The following ATP8A2 variants were observed in gnomAD, a reference collection of about 807,000 sequenced individuals.
The protein encoded by ATP8A2 is phospholipid-transporting ATPase IB.
A neutral mutation model predicts 165.6 loss-of-function variants in ATP8A2; 100 were observed. The observed-to-expected ratio is 0.60, with a 90% CI of 0.51 to 0.71. The LOEUF (loss-of-function observed/expected upper bound fraction) is 0.71. Ranked by LOEUF, ATP8A2 falls within the 30% of genes least tolerant of loss-of-function variation. The pLI, the probability that ATP8A2 is intolerant of heterozygous loss-of-function variation, is 0.00. For synonymous variants in ATP8A2, 543 were observed against 548.8 expected, an observed-to-expected ratio of 0.99 and a Z score of 0.15; for missense variants, 1,227 against 1,479.5, an observed-to-expected ratio of 0.83 and a Z score of 2.80.
chr13:25,890,804 T>C (rs776199674), intron 33 of ATP8A2, among the ~76,000 whole-genome samples: 23 of 152,248 alleles, frequency 1.5e-4, no homozygotes, highest in Admixed American at 3.3e-4. Context: ...AAAACAAAGC[T>C]GTGTTTAAGT....
chr13:25,506,758 A>G (rs1047254985), intron 2 of ATP8A2, among the ~76,000 whole-genome samples: 11 of 152,010 alleles, frequency 7.2e-5, no homozygotes, highest in African/African-American at 2.4e-4. Context: ...CCTGGCCTGA[A>G]GGTTATTTTA....
intron 30 of ATP8A2, among the ~76,000 whole-genome samples, chr13:25,853,396 A>ATATATATATATATATATATATATAT (rs59573616): frequency 2.0e-4 from 22 of 107,828 alleles, no homozygotes; most frequent in African/African-American, 5.9e-4. Flanking sequence ...ATCTAAAAAA[A>ATATATATATATATATATATATATAT]ATATATATAT....
At chr13:25,679,095 G>A (rs2042431236) in intron 24 of ATP8A2, among the ~76,000 whole-genome samples, 1 of 152,144 alleles carries the variant, frequency 6.6e-6, no homozygotes, top group South Asian at 2.1e-4. Flanking sequence ...GGTAAGCAAT[G>A]GGAGGAAGGC....
At chr13:25,967,863 G>A (rs770006714) in intron 34 of ATP8A2, among the ~76,000 whole-genome samples, 91 of 152,142 alleles carry the variant, frequency 6.0e-4, no homozygotes, top group Non-Finnish European at 2.1e-4. Context: ...CTCAGTAAAA[G>A]GGTAGAGGGA....
intron 24 of ATP8A2, among the ~76,000 whole-genome samples, chr13:25,617,994 A>C (rs1209815006): frequency 1.3e-5 from 2 of 152,164 alleles, no homozygotes; most frequent in Non-Finnish European, 2.9e-5. Flanking sequence ...CCGTAGTGTA[A>C]AATTGTATTT....
chr13:25,591,138 T>A (rs1412872243), intron 24 of ATP8A2: 1 of 382,358 alleles, frequency 2.6e-6, no homozygotes, highest in Admixed American at 2.9e-5. Flanking sequence ...ATACTATGTG[T>A]GTGTGTGTGT....
chr13:25,481,206 A>T (rs1034386886), intron 2 of ATP8A2, among the ~76,000 whole-genome samples: 6 of 121,686 alleles, frequency 4.9e-5, no homozygotes, highest in Middle Eastern at 3.8e-3. Context: ...GGAGAGGAAC[A>T]GGGACAGGGA....
intron 24 of ATP8A2, among the ~76,000 whole-genome samples, chr13:25,627,615 A>G (rs1016248728): frequency 6.6e-6 from 1 of 152,188 alleles, no homozygotes; most frequent in Non-Finnish European, 1.5e-5. Context: ...TATCAGTAAC[A>G]TAATTGGCTG....
chr13:25,998,542 G>A (rs569639878), intron 35 of ATP8A2, among the ~76,000 whole-genome samples: 2 of 152,292 alleles, frequency 1.3e-5, no homozygotes, highest in Admixed American at 1.3e-4. Context: ...GGAGAGAAAA[G>A]GCATTTGCTA....
In ATP8A2 at chr13:25,974,104, G is replaced by A. The variant is rs189325333; in HGVS notation, c.3377+5425G>A. ...AAGCAGAGAAGCGAGTGCAGACGGC[G>A]GAGACAGATGACCTGAGCTGGGCTC... On this transcript the variant is annotated intron_variant, in intron 35 of 36. Transcript: ENST00000381655. 2.0e-3 allele frequency among the ~76,000 whole-genome samples: 302 copies of A among 152,290 alleles called. 3 individuals are homozygous for A. The highest frequency in any genetic ancestry group is 6.9e-3 in the African/African-American group (286 of 41,562).
At chr13:25,379,743 A>T (rs1593228779) in intron 1 of ATP8A2, among the ~76,000 whole-genome samples, 2 of 152,246 alleles carry the variant, frequency 1.3e-5, no homozygotes, top group South Asian at 4.2e-4. Context: ...AGCGTGTAAG[A>T]TAGTGTGCCG....
intron 33 of ATP8A2, among the ~76,000 whole-genome samples, chr13:25,902,424 A>G (rs1045741734): frequency 6.6e-6 from 1 of 152,178 alleles, no homozygotes; most frequent in Non-Finnish European, 1.5e-5. Context: ...TCTAGCTTCT[A>G]TCCATAGGAA....
intron 13 of ATP8A2, among the ~76,000 whole-genome samples, chr13:25,556,131 G>A (rs779165195): frequency 3.9e-5 from 6 of 152,210 alleles, no homozygotes; most frequent in Admixed American, 2.0e-4. Context: ...TATATACCCA[G>A]TAATGGGATT....
At chr13:25,583,279 A>G (rs933178057) in intron 23 of ATP8A2, among the ~76,000 whole-genome samples, 1 of 152,126 alleles carries the variant, frequency 6.6e-6, no homozygotes, top group Non-Finnish European at 1.5e-5. Flanking sequence ...CCTGCTATGG[A>G]TCTGTGGCCC....
At chr13:25,681,060 T>C (rs1262456701) in intron 24 of ATP8A2, among the ~76,000 whole-genome samples, 1 of 152,206 alleles carries the variant, frequency 6.6e-6, no homozygotes, top group East Asian at 1.9e-4. Context: ...CTAATTCCTT[T>C]TGCAAGGTCC....
chr13:25,780,704 A>AAT (rs2044854145), intron 27 of ATP8A2, among the ~76,000 whole-genome samples: 3 of 152,136 alleles, frequency 2.0e-5, no homozygotes, highest in Non-Finnish European at 4.4e-5. Context: ...CAAGCACAGT[A>AAT]CATTTATCAT....
intron 25 of ATP8A2, among the ~76,000 whole-genome samples, chr13:25,735,396 AC>A (rs2043745209): frequency 6.6e-6 from 1 of 152,002 alleles, no homozygotes; most frequent in Non-Finnish European, 1.5e-5. Flanking sequence ...ATTAGCTGGG[AC>A]CACAGGAGAG....
At chr13:25,921,736 T>G (rs902285576) in intron 33 of ATP8A2, among the ~76,000 whole-genome samples, 1 of 152,196 alleles carries the variant, frequency 6.6e-6, no homozygotes, top group African/African-American at 2.4e-5. Context: ...TAAAGCTGAA[T>G]ATGCTATTTT....
intron 27 of ATP8A2, among the ~76,000 whole-genome samples, chr13:25,798,988 C>G (rs1950555761): frequency 6.6e-6 from 1 of 150,754 alleles, no homozygotes; most frequent in Non-Finnish European, 1.5e-5. Context: ...ACCCCCATCT[C>G]TAAGAAAAAA....
Sources: gnomAD v4.1 joint callset for allele counts (sites outside exome capture counted in the v4.1 genomes callset) on GRCh38, gnomAD v4.1.1 for gene constraint, MANE v1.5 for transcripts, NCBI Gene and HGNC (gene_info 2026-07-23, HGNC 2026-07-21) for gene names.